The following CCSER1 variants were observed in gnomAD, a reference collection of about 807,000 sequenced individuals.
The protein encoded by CCSER1 is serine-rich coiled-coil domain-containing protein 1.
Under a neutral mutation model 82.0 loss-of-function variants are expected in CCSER1, and 41 were observed. That is an observed-to-expected ratio of 0.50 (90% CI 0.39 to 0.65). CCSER1 has a LOEUF of 0.65. Among genes scored for constraint, CCSER1 ranks in the 30% least tolerant of loss-of-function variants. The pLI is 0.00. For missense variants in CCSER1, 1,119 were observed against 1,064.2 expected (o/e 1.05, Z -0.72); for synonymous variants, 414 against 383.9 (o/e 1.08, Z -0.92).
chr4:90,667,004 G>A (rs1731916353), intron 6 of CCSER1, among the ~76,000 whole-genome samples: 1 of 152,140 alleles, frequency 6.6e-6, no homozygotes, highest in African/African-American at 2.4e-5. Flanking sequence ...GTTATCAAGA[G>A]GTCTGCAAAG....
intron 10 of CCSER1, among the ~76,000 whole-genome samples, chr4:91,380,167 C>T (rs957707769): frequency 1.3e-5 from 2 of 152,066 alleles, no homozygotes. Context: ...TTACTTCCAA[C>T]TATGTGGTCA....
intron 7 of CCSER1, among the ~76,000 whole-genome samples, chr4:90,739,362 C>T (rs934601997): frequency 6.6e-6 from 1 of 152,202 alleles, no homozygotes; most frequent in African/African-American, 2.4e-5. Flanking sequence ...CTCCTCTTTA[C>T]TTTCCCCCTC....
intron 6 of CCSER1, among the ~76,000 whole-genome samples, chr4:90,654,031 A>G (rs1045731259): frequency 1.4e-4 from 21 of 152,006 alleles, no homozygotes; most frequent in African/African-American, 4.1e-4. Flanking sequence ...AAACCATCAG[A>G]TCTCATGAGA....
intron 8 of CCSER1, among the ~76,000 whole-genome samples, chr4:90,858,757 T>G (rs1433566500): frequency 6.6e-6 from 1 of 151,960 alleles, no homozygotes; most frequent in Non-Finnish European, 1.5e-5. Context: ...TTATGGCATT[T>G]GATATATGCA....
intron 10 of CCSER1, among the ~76,000 whole-genome samples, chr4:91,392,680 T>C (rs1481912138): frequency 2.6e-5 from 4 of 152,098 alleles, no homozygotes; most frequent in Admixed American, 6.6e-5. Flanking sequence ...TTTTGAATAG[T>C]AGTTAAAATC....
Position 90,462,399 on chromosome 4 carries a change from C to T in CCSER1, c.1604-5835C>T, listed in dbSNP as rs759178634. 3.4e-4 allele frequency among the ~76,000 whole-genome samples: 52 copies of T among 152,266 alleles called. 1 individual carries two copies. Among genetic ancestry groups the T allele is most frequent in the Middle Eastern group, 3.4e-3 (1 of 294 alleles). ...CTATCTTCAGGAAGCCTCAACTCTGCTTTAAGCCTTTTTTAACTGATTGAC... is the reference window on the plus strand; with the variant it reads ...CTATCTTCAGGAAGCCTCAACTCTGTTTTAAGCCTTTTTTAACTGATTGAC... On this transcript the variant is annotated intron_variant, in intron 4 of 10. Transcript: ENST00000509176.
At chr4:90,798,728 G>A (rs1756373649) in intron 7 of CCSER1, among the ~76,000 whole-genome samples, 1 of 152,144 alleles carries the variant, frequency 6.6e-6, no homozygotes, top group Admixed American at 6.5e-5. Context: ...GACTGGCTTT[G>A]TTTCTGGAAG....
In CCSER1 at chr4:91,599,588, A is replaced by G. The variant is rs983983390; in HGVS notation, c.*531A>G. ...TGGCTTGCTTGCATGTAACCTAGAG[A>G]TGTGTTTGTCTCTATTACATACATT... On this transcript the variant is annotated 3_prime_UTR_variant, in exon 11 of 11. Transcript: ENST00000509176. 5.9e-5 allele frequency: 9 copies of G among 152,190 alleles called. No individual in the cohort carries two copies. Among genetic ancestry groups the G allele is most frequent in the African/African-American group, 2.2e-4 (9 of 41,430 alleles). 9.4% of individuals were successfully genotyped at this position (152,190 alleles called of 1,614,324 possible). A position where few individuals can be genotyped will look rare whatever the true frequency, so the allele number is the denominator to read the frequency against.
chr4:90,887,666 G>C (rs768538817), intron 8 of CCSER1, among the ~76,000 whole-genome samples: 11 of 152,084 alleles, frequency 7.2e-5, no homozygotes, highest in African/African-American at 2.4e-4. Context: ...GGCAGATCAC[G>C]AGGTCAAGAG....
At chr4:91,310,687 G>C (rs1026872781) in intron 10 of CCSER1, among the ~76,000 whole-genome samples, 16 of 151,814 alleles carry the variant, frequency 1.1e-4, no homozygotes, top group Admixed American at 1.1e-3. Context: ...TGACTTAATG[G>C]AGCCATGAAC....
intron 3 of CCSER1, among the ~76,000 whole-genome samples, chr4:90,343,611 G>T (rs1025003911): frequency 6.6e-6 from 1 of 152,038 alleles, no homozygotes; most frequent in Non-Finnish European, 1.5e-5. Flanking sequence ...GTGAGACCCT[G>T]TCCCAAAAAA....
chr4:91,064,444 T>G (rs1744194929), intron 9 of CCSER1, among the ~76,000 whole-genome samples: 1 of 152,204 alleles, frequency 6.6e-6, no homozygotes. Context: ...CAGAAAACCC[T>G]TTCTCTCAGG....
At chr4:91,296,483 A>ATATATATATATATATTTATT (rs1175690764) in intron 10 of CCSER1, among the ~76,000 whole-genome samples, 1,815 of 122,962 alleles carry the variant, frequency 0.015, 87 homozygotes, top group African/African-American at 0.021. Flanking sequence ...ATATATATAT[A>ATATATATATATATATTTATT]TATTTTAATT....
At chr4:90,375,536 G>A (rs1039071643) in intron 3 of CCSER1, among the ~76,000 whole-genome samples, 2 of 152,152 alleles carry the variant, frequency 1.3e-5, no homozygotes, top group African/African-American at 2.4e-5. Flanking sequence ...CTTCCTCGTA[G>A]AGCAAAAGAC....
chr4:90,309,052 A>G lies in CCSER1; in HGVS notation c.768A>G (p.Thr256=). The G allele has an allele frequency of 6.2e-7, 1 of 1,613,872 alleles. No individual in the cohort carries two copies. ...LLSADLTTAQ[T]PSEFLALTED... The stretch of plus-strand genomic sequence containing the variant: ...CTGCTGATCTTACCACAGCTCAGAC[A>G]CCTTCAGAATTTTTAGCCTTGACTG... Residue 256 remains threonine, a synonymous_variant, in exon 2 of 11, where the codon ACA becomes ACG. Coordinates refer to ENST00000509176, the MANE Select transcript of CCSER1 (RefSeq NM_001145065.2).
At chr4:90,772,371 GTGA>G (rs1752311202) in intron 7 of CCSER1, among the ~76,000 whole-genome samples, 1 of 151,988 alleles carries the variant, frequency 6.6e-6, no homozygotes, top group Admixed American at 6.6e-5. Context: ...TTTTTGAGAG[GTGA>G]TGAGTGAGAG....
At chr4:90,646,363 C>A (rs1727604551) in intron 6 of CCSER1, among the ~76,000 whole-genome samples, 1 of 152,024 alleles carries the variant, frequency 6.6e-6, no homozygotes, top group African/African-American at 2.4e-5. Context: ...ACACAAGTGC[C>A]TATATGTTCA....
intron 10 of CCSER1, among the ~76,000 whole-genome samples, chr4:91,314,922 G>A (rs980796427): frequency 6.6e-6 from 1 of 151,856 alleles, no homozygotes; most frequent in Non-Finnish European, 1.5e-5. Context: ...GTAAGCTAAG[G>A]ATACTATTGT....
At chr4:91,099,337 T>C (rs1230755895) in intron 10 of CCSER1, among the ~76,000 whole-genome samples, 1 of 152,132 alleles carries the variant, frequency 6.6e-6, no homozygotes, top group Non-Finnish European at 1.5e-5. Context: ...TGATGAACAG[T>C]GTGAATTTAA....
Sources: gnomAD v4.1 joint callset for allele counts (sites outside exome capture counted in the v4.1 genomes callset) on GRCh38, gnomAD v4.1.1 for gene constraint, MANE v1.5 for transcripts, NCBI Gene and HGNC (gene_info 2026-07-23, HGNC 2026-07-21) for gene names.